Variants in FEZF1 observed in about 807,000 individuals in gnomAD.
The protein encoded by FEZF1 is fez family zinc finger protein 1.
In FEZF1, 8 loss-of-function variants were observed where a neutral mutation model predicts 32.4. The ratio of observed to expected loss-of-function variants is 0.25; its 90% CI spans 0.15 to 0.45. The LOEUF (loss-of-function observed/expected upper bound fraction) is 0.45. FEZF1 is among the 20% of genes least tolerant of loss of function. The pLI, the probability that FEZF1 is intolerant of heterozygous loss-of-function variation, is 1.00. For synonymous variants in FEZF1, 259 were observed against 265.2 expected (o/e 0.98, Z 0.23); for missense variants, 546 against 622.3 (o/e 0.88, Z 1.31).
Position 122,304,190 on chromosome 7 carries a change from T to C in FEZF1, c.248A>G (p.Asp83Gly). The change falls in exon 1 of 4, where the codon GAC (aspartate) becomes GGC (glycine). Residue 83 changes from aspartate (D) to glycine (G), a missense_variant. Physicochemically the swap from Asp to Gly is moderately conservative, Grantham distance 94. Around this residue, in one of 3 missense-constraint regions of FEZF1, gnomAD observed 345 missense variants for 360.6 expected, o/e 0.96. Transcript: ENST00000442488. ...CGTCACTCCTGCCTTGGGGCTCGTGTCGTAGGCCACAGGCACGAAGGGGAT... is the reference window on the plus strand; with the variant it reads ...CGTCACTCCTGCCTTGGGGCTCGTGCCGTAGGCCACAGGCACGAAGGGGAT... ...CMIPFVPVAYDTSPKAGVTGS... is the reference protein window; with the variant it reads ...CMIPFVPVAYGTSPKAGVTGS... 6.3e-7 allele frequency: 1 copy of C among 1,597,998 alleles called. No homozygotes were observed. The highest frequency in any genetic ancestry group is 1.1e-5 in the South Asian group (1 of 89,142).
intron 1 of FEZF1, 97 bp downstream of exon 1, chr7:122,303,524 AGGAAGGAAGGAAGGAG>A (rs1248418853): frequency 1.8e-4 from 80 of 434,306 alleles, no homozygotes; most frequent in African/African-American, 1.5e-3. Context: ...GAAGGAAGGA[AGGAAGGAAGGAAGGAG>A]GGAGGGAAGG....
At chr7:122,303,525 G>A (rs929840954) in intron 1 of FEZF1, 112 bp downstream of exon 1, 1 of 421,438 alleles carries the variant, frequency 2.4e-6, no homozygotes. Flanking sequence ...AAGGAAGGAA[G>A]GAAGGAAGGA....
upstream of FEZF1, chr7:122,305,979 C>T (rs889647065): frequency 2.6e-5 from 4 of 152,288 alleles, no homozygotes; most frequent in African/African-American, 9.6e-5. Flanking sequence ...ACGGCTGCGG[C>T]TCCGACTGTG....
Position 122,304,127 on chromosome 7 carries a change from G to C in FEZF1, c.311C>G (p.Ala104Gly). 6.3e-7 allele frequency: 1 copy of C among 1,598,536 alleles called. No homozygotes were observed. Among genetic ancestry groups the C allele is most frequent in the Non-Finnish European group, 8.5e-7 (1 of 1,171,636 alleles). The change falls in exon 1 of 4, where the codon GCG becomes GGG. Residue 104 changes from alanine (A) to glycine (G), a missense_variant. Ala to Gly is a moderately conservative substitution (Grantham distance 60). Coordinates refer to ENST00000442488, the MANE Select transcript of FEZF1 (RefSeq NM_001024613.4). ...AGCCGAGGGCACCGCCGCGGGCGCC[G>C]CCGGGGCCTCCAGACTGGCCTTCCG... Reference protein sequence around the residue: ...EPRKASLEAPAAPAAVPSAPA... With the variant: ...EPRKASLEAPGAPAAVPSAPA...
At position 122,301,661 on chromosome 7, in the gene FEZF1, T is replaced by G; in HGVS notation, c.*336A>C. The G allele has an allele frequency of 3.9e-6, 1 of 258,734 alleles. No homozygotes were observed. Among genetic ancestry groups the G allele is most frequent in the Admixed American group, 5.4e-5 (1 of 18,404 alleles). The allele number at this position is 258,734 out of a possible 1,614,324, so 16.0% of individuals were successfully genotyped here. Reference sequence around the variant, plus strand: ...AGATCTCAATAAATATAGCAGAAATTTGTTTAAACAAAACAAAACAAAATA... The same window carrying G: ...AGATCTCAATAAATATAGCAGAAATGTGTTTAAACAAAACAAAACAAAATA... On this transcript the variant is annotated 3_prime_UTR_variant, in exon 4 of 4. Transcript: ENST00000442488.
In FEZF1 at chr7:122,304,176, C is replaced by G. The variant is rs1488118034; in HGVS notation, c.262G>C (p.Ala88Pro). 1 of 1,599,972 alleles carries G rather than the reference C, an allele frequency of 6.3e-7. No individual in the cohort carries two copies. Among genetic ancestry groups the G allele is most frequent in the Admixed American group, 1.7e-5 (1 of 59,248 alleles). ...VPVAYDTSPK[A>P]GVTGSEPRKA... Reference sequence around the variant, plus strand: ...CGCGGCTCGGAGCCCGTCACTCCTGCCTTGGGGCTCGTGTCGTAGGCCACA... The same window carrying G: ...CGCGGCTCGGAGCCCGTCACTCCTGGCTTGGGGCTCGTGTCGTAGGCCACA... Residue 88 changes from alanine (A) to proline (P), a missense_variant, in exon 1 of 4, where the codon GCA (alanine) becomes CCA (proline). By Grantham distance (27) the Ala-to-Pro change is conservative. Coordinates refer to ENST00000442488, the MANE Select transcript of FEZF1 (RefSeq NM_001024613.4).
At chr7:122,303,509 GGAAGGAAGGAAGGAA>G (rs2031125039) in intron 1 of FEZF1, 113 bp downstream of exon 1, 2 of 554,462 alleles carry the variant, frequency 3.6e-6, no homozygotes, top group East Asian at 3.0e-5. Context: ...AAGGAAGGAA[GGAAGGAAGGAAGGAA>G]GGAAGGAAGG....
chr7:122,309,315 C>G (rs1037287533), upstream of FEZF1, among the ~76,000 whole-genome samples: 3 of 152,226 alleles, frequency 2.0e-5, no homozygotes, highest in Non-Finnish European at 4.4e-5. Context: ...GAGCCCTCCT[C>G]TCTTTGGGGG....
At chr7:122,306,290 C>T (rs773914406), upstream of FEZF1, 8 of 152,728 alleles carry the variant, frequency 5.2e-5, no homozygotes, top group African/African-American at 9.6e-5. Context: ...GGCTGTGAGA[C>T]AGGTGGTGGC....
rs371893844 is a variant in FEZF1, at chr7:122,302,968, A to G, written c.937-37T>C. The G allele has an allele frequency of 4.2e-5, 66 of 1,578,566 alleles. No homozygotes were observed. The highest frequency in any genetic ancestry group is 5.3e-5 in the Non-Finnish European group (62 of 1,163,444). On this transcript the variant is annotated intron_variant, in intron 2 of 3. Transcript: ENST00000442488. The surrounding 1 kb of genome is among the most constrained non-coding windows in gnomAD (Gnocchi z 4.4). ...AAAGGAAAAGCAGAGACATTTAGATATTTTCTAATTATGTGAAGTTCTGCA... is the reference window on the plus strand; with the variant it reads ...AAAGGAAAAGCAGAGACATTTAGATGTTTTCTAATTATGTGAAGTTCTGCA...
Position 122,304,169 on chromosome 7 carries a change from A to T in FEZF1, c.269T>A (p.Val90Glu). The change falls in exon 1 of 4, where the codon GTG (valine) becomes GAG (glutamate). Residue 90 changes from valine (V) to glutamate (E), a missense_variant. By Grantham distance (121) the Val-to-Glu change is moderately radical. Around this residue, in one of 3 missense-constraint regions of FEZF1, gnomAD observed 345 missense variants for 360.6 expected, o/e 0.96. Transcript: ENST00000442488. ...GGCCTTCCGCGGCTCGGAGCCCGTCACTCCTGCCTTGGGGCTCGTGTCGTA... is the reference window on the plus strand; with the variant it reads ...GGCCTTCCGCGGCTCGGAGCCCGTCTCTCCTGCCTTGGGGCTCGTGTCGTA... ...VAYDTSPKAGVTGSEPRKASL... is the reference protein window; with the variant it reads ...VAYDTSPKAGETGSEPRKASL... 1 of 1,600,934 alleles carries T rather than the reference A, an allele frequency of 6.2e-7. No individual in the cohort carries two copies. Among genetic ancestry groups the T allele is most frequent in the Non-Finnish European group, 8.5e-7 (1 of 1,172,000 alleles).
rs188460649 is a variant in FEZF1 at position 122,303,328 on chromosome 7, C to A, written c.802-17G>T. 6.2e-7 allele frequency: 1 copy of A among 1,613,266 alleles called. No homozygotes were observed. The highest frequency in any genetic ancestry group is 2.2e-5 in the East Asian group (1 of 44,872). On this transcript the variant is annotated splice_polypyrimidine_tract_variant and intron_variant, in intron 1 of 3. Transcript: ENST00000442488. The stretch of plus-strand genomic sequence containing the variant: ...ATTAAAGACCTTAAAATTAAACACA[C>A]GTAGAACAGGTTAGCCGCACAAGTA...
rs1315420631 is a variant in FEZF1 at position 122,302,049 on chromosome 7, G to A, written c.1376C>T (p.Pro459Leu). The change falls in exon 4 of 4, where the codon CCG (proline) becomes CTG (leucine). Residue 459 changes from proline (P) to leucine (L), a missense_variant. Physicochemically the swap from Pro to Leu is moderately conservative, Grantham distance 98 (BLOSUM62 -3). This residue lies in a region of FEZF1 where 83 missense variants were observed against 73.0 expected (regional missense o/e 1.14). Coordinates refer to ENST00000442488, the MANE Select transcript of FEZF1 (RefSeq NM_001024613.4). The surrounding 1 kb of genome is among the most constrained non-coding windows in gnomAD (Gnocchi z 4.4). ...CTGCAGGGGCCCCGGGGTTGGCAGC[G>A]GCGGCTGCAGAGGAGGCAGCGTCAT... ...PPMTLPPLQP[P>L]LPTPGPLQPG... 8 of 1,603,212 alleles carry A rather than the reference G, an allele frequency of 5.0e-6. No homozygotes were observed. Among genetic ancestry groups the A allele is most frequent in the South Asian group, 1.1e-5 (1 of 90,924 alleles).
upstream of FEZF1, chr7:122,306,755 G>C (rs925890983): frequency 3.9e-5 from 6 of 152,390 alleles, no homozygotes; most frequent in African/African-American, 1.4e-4. Context: ...GATGGGGGGA[G>C]AGGTCTGGCT....
In FEZF1 at chr7:122,301,885, T is replaced by C. The variant is rs895419818; in HGVS notation, c.*112A>G. On this transcript the variant is annotated 3_prime_UTR_variant, in exon 4 of 4. Transcript: ENST00000442488. ...CAGAGGCTTCTGGTCGGCCCTGAAGTGTGGGGCCCAACATGCCCTGGGGTC... is the reference window on the plus strand; with the variant it reads ...CAGAGGCTTCTGGTCGGCCCTGAAGCGTGGGGCCCAACATGCCCTGGGGTC... 1.2e-5 allele frequency: 17 copies of C among 1,446,674 alleles called. No individual in the cohort carries two copies. The highest frequency in any genetic ancestry group is 1.6e-5 in the Non-Finnish European group (17 of 1,088,092). 89.6% of individuals were successfully genotyped at this position (1,446,674 alleles called of 1,614,324 possible). A position where few individuals can be genotyped will look rare whatever the true frequency, so the allele number is the denominator to read the frequency against.
At chr7:122,304,803 T>TTC (rs1288240718), upstream of FEZF1, 1 of 189,230 alleles carries the variant, frequency 5.3e-6, no homozygotes, top group Non-Finnish European at 1.1e-5. Context: ...TTTTTTTTTT[T>TTC]CATCTGCAGT....
upstream of FEZF1, chr7:122,304,768 G>C (rs375195106): frequency 1.4e-5 from 4 of 295,454 alleles, no homozygotes; most frequent in African/African-American, 8.8e-5. Context: ...TGCTCAATTC[G>C]CTTCCAACAG....
chr7:122,303,576 G>GGGAA lies in FEZF1; in HGVS notation c.801+57_801+60dup, dbSNP rs533231026. ...AAGGAGGGAAGGAGGGAGGGAGGGA[G>GGGAA]GGAAGGAAGGAAGGAAGGAAGGGAG... On this transcript the variant is annotated intron_variant, in intron 1 of 3. Coordinates refer to ENST00000442488, the MANE Select transcript of FEZF1 (RefSeq NM_001024613.4). The GGGAA allele has an allele frequency of 9.4e-3, 9,951 of 1,057,228 alleles. 152 individuals carry two copies. Among genetic ancestry groups the GGGAA allele is most frequent in the South Asian group, 0.031 (2,097 of 68,694 alleles). The allele number at this position is 1,057,228 out of a possible 1,614,324, so 65.5% of individuals were successfully genotyped here. A position where few individuals can be genotyped will look rare whatever the true frequency, so the allele number is the denominator to read the frequency against.
At chr7:122,310,070 T>C (rs1358643520) in intron 1 of FEZF1, 1 of 152,174 alleles carries the variant, frequency 6.6e-6, no homozygotes, top group African/African-American at 2.4e-5. Context: ...AAGTCGATAA[T>C]AGAAATTAAA....
Sources: gnomAD v4.1 joint callset for allele counts (sites outside exome capture counted in the v4.1 genomes callset) on GRCh38, gnomAD v4.1.1 for gene constraint, gnomAD v4.1.1 regional missense constraint, Gnocchi (gnomAD v3.1) non-coding constraint, MANE v1.5 for transcripts, NCBI Gene and HGNC (gene_info 2026-07-23, HGNC 2026-07-21) for gene names.